Variants in PIP4K2A observed in about 807,000 individuals in gnomAD.
The protein encoded by PIP4K2A is phosphatidylinositol 5-phosphate 4-kinase type-2 alpha.
PIP4K2A carries 14 observed loss-of-function variants against 42.9 expected under a neutral mutation model. That is an observed-to-expected ratio of 0.33 (90% CI 0.22 to 0.51). The LOEUF is 0.51. PIP4K2A is among the 20% of genes least tolerant of loss of function. The pLI, the probability that PIP4K2A is intolerant of heterozygous loss-of-function variation, is 0.97. For synonymous variants in PIP4K2A, 192 were observed against 192.2 expected (o/e 1.00, Z 0.01); for missense variants, 434 against 519.8 (o/e 0.83, Z 1.61).
Position 22,646,958 on chromosome 10 carries a change from C to CA in PIP4K2A, c.145-37242dup, listed in dbSNP as rs569143064. 5.6e-4 allele frequency among the ~76,000 whole-genome samples: 80 copies of CA among 144,058 alleles called. 1 individual carries two copies. The East Asian group carries it at 8.4e-3, about 15-fold the overall frequency. The allele number at this position is 144,058 out of a possible 152,430, so 94.5% of individuals were successfully genotyped here. A position where few individuals can be genotyped will look rare whatever the true frequency, so the allele number is the denominator to read the frequency against. On this transcript the variant is annotated intron_variant, in intron 1 of 9. Coordinates refer to ENST00000376573, the MANE Select transcript of PIP4K2A (RefSeq NM_005028.5). ...AAAAACAAAACAAAACAAAACAAAACAAAAAAAAACAAACCAGGATGCAAG... is the reference window on the plus strand; with the variant it reads ...AAAAACAAAACAAAACAAAACAAAACAAAAAAAAAACAAACCAGGATGCAAG...
chr10:22,540,329 G>A (rs1044770631), intron 8 of PIP4K2A, among the ~76,000 whole-genome samples: 5 of 151,728 alleles, frequency 3.3e-5, no homozygotes, highest in African/African-American at 1.2e-4. Flanking sequence ...TCACACCAGG[G>A]TATCAACAGT....
chr10:22,562,394 A>T (rs1199140843), intron 6 of PIP4K2A, among the ~76,000 whole-genome samples: 1 of 152,098 alleles, frequency 6.6e-6, no homozygotes, highest in Non-Finnish European at 1.5e-5. Flanking sequence ...TAAAAATACA[A>T]AAAAATTAGC....
chr10:22,648,699 C>T (rs980822407), intron 1 of PIP4K2A, among the ~76,000 whole-genome samples: 1 of 152,168 alleles, frequency 6.6e-6, no homozygotes, highest in Non-Finnish European at 1.5e-5. Context: ...TGGTCTGAAA[C>T]AGGCACATTT....
chr10:22,561,525 G>A (rs1010118293), intron 6 of PIP4K2A, among the ~76,000 whole-genome samples: 1 of 146,248 alleles, frequency 6.8e-6, no homozygotes, highest in East Asian at 2.0e-4. Context: ...TAAGAATTGA[G>A]ATTACTAATT....
In PIP4K2A at chr10:22,573,465, G is replaced by A. The variant is rs768193534; in HGVS notation, c.493-8C>T. ...ATGACATTCCACTATGTACTGCATA[G>A]GAGAGAAAGAAAAAGGAAAAAAACA... On this transcript the variant is annotated splice_region_variant and splice_polypyrimidine_tract_variant and intron_variant, in intron 4 of 9. Transcript: ENST00000376573. 1 of 1,597,614 alleles carries A rather than the reference G, an allele frequency of 6.3e-7. No homozygotes were observed.
chr10:22,619,700 G>A (rs1838275323), intron 1 of PIP4K2A, among the ~76,000 whole-genome samples: 1 of 152,104 alleles, frequency 6.6e-6, no homozygotes, highest in Non-Finnish European at 1.5e-5. Context: ...GCCTCCCAAA[G>A]TGCTGGGATT....
At chr10:22,561,428 T>C (rs1041806851) in intron 6 of PIP4K2A, among the ~76,000 whole-genome samples, 1 of 152,108 alleles carries the variant, frequency 6.6e-6, no homozygotes, top group Admixed American at 6.5e-5. Context: ...ATATTTGAAA[T>C]GACAGTTTCA....
At chr10:22,670,724 T>C (rs117400171) in intron 1 of PIP4K2A, among the ~76,000 whole-genome samples, 1,562 of 152,326 alleles carry the variant, frequency 0.01, 17 homozygotes, top group Non-Finnish European at 0.016. Flanking sequence ...CCTAGAAATA[T>C]TTAAAAATAC....
chr10:22,570,193 G>T (rs1036065088), intron 5 of PIP4K2A, among the ~76,000 whole-genome samples: 3 of 152,102 alleles, frequency 2.0e-5, no homozygotes, highest in African/African-American at 7.2e-5. Flanking sequence ...CATGCCTCAC[G>T]CTGGACACAA....
At chr10:22,583,125 GACTC>G (rs1217473386) in intron 4 of PIP4K2A, among the ~76,000 whole-genome samples, 1 of 152,090 alleles carries the variant, frequency 6.6e-6, no homozygotes, top group Non-Finnish European at 1.5e-5. Flanking sequence ...CCATAGTAAG[GACTC>G]ATAAACAACA....
intron 6 of PIP4K2A, among the ~76,000 whole-genome samples, chr10:22,553,426 A>C (rs1836458826): frequency 6.6e-6 from 1 of 152,216 alleles, no homozygotes; most frequent in Non-Finnish European, 1.5e-5. Context: ...ATAGATGCAG[A>C]AAGGGGAAAA....
intron 3 of PIP4K2A, among the ~76,000 whole-genome samples, chr10:22,593,229 C>T (rs189462708): frequency 2.6e-5 from 4 of 152,318 alleles, no homozygotes; most frequent in East Asian, 1.9e-4. Flanking sequence ...GTGGATCACA[C>T]GTTCTGCAAT....
chr10:22,712,949 T>C (rs1833938605), intron 1 of PIP4K2A, among the ~76,000 whole-genome samples: 1 of 152,034 alleles, frequency 6.6e-6, no homozygotes, highest in Non-Finnish European at 1.5e-5. Context: ...TGTCTGTGTG[T>C]GTGTTTTCCG....
intron 1 of PIP4K2A, among the ~76,000 whole-genome samples, chr10:22,683,793 T>C (rs1816131181): frequency 6.6e-6 from 1 of 150,492 alleles, no homozygotes; most frequent in Admixed American, 6.6e-5. Context: ...GCCCCTCCCT[T>C]AGCCTTTCCC....
rs1431084604 is a variant in PIP4K2A, at chr10:22,573,363, G to C, written c.587C>G (p.Thr196Arg). ...CAAACGGTGGCTGAATACATTTCTT[G>C]TAACTATCACATATATTTCAACTCC... ...VDGVEIYVIV[T>R]RNVFSHRLSV... is the part of the protein sequence containing the mutation. The change falls in exon 5 of 10, where the codon ACA becomes AGA. Residue 196 changes from threonine to arginine, a missense_variant. By Grantham distance (71) the Thr-to-Arg change is moderately conservative. Around this residue, in one of 2 missense-constraint regions of PIP4K2A, gnomAD observed 395 missense variants for 444.5 expected, o/e 0.89. Coordinates refer to ENST00000376573, the MANE Select transcript of PIP4K2A (RefSeq NM_005028.5). 2 of 1,613,250 alleles carry C rather than the reference G, an allele frequency of 1.2e-6. No homozygotes were observed. The highest frequency in any genetic ancestry group is 2.7e-5 in the African/African-American group (2 of 74,854).
chr10:22,628,838 A>G (rs909209820), intron 1 of PIP4K2A, among the ~76,000 whole-genome samples: 4 of 152,188 alleles, frequency 2.6e-5, no homozygotes, highest in African/African-American at 9.6e-5. Flanking sequence ...CAGACTGTAA[A>G]TGCTTCTTAT....
chr10:22,544,661 A>C (rs1836216370), intron 7 of PIP4K2A, among the ~76,000 whole-genome samples: 1 of 152,218 alleles, frequency 6.6e-6, no homozygotes, highest in Non-Finnish European at 1.5e-5. Context: ...GTCCTCTGCA[A>C]AGGGCAGAAG....
At chr10:22,685,530 A>AT (rs1202690660) in intron 1 of PIP4K2A, among the ~76,000 whole-genome samples, 1 of 133,342 alleles carries the variant, frequency 7.5e-6, no homozygotes, top group Admixed American at 7.1e-5. Context: ...CCCATTTTCT[A>AT]TAAAAAACAA....
At position 22,586,383 on chromosome 10, in the gene PIP4K2A, C is replaced by T. The variant is rs758524852; in HGVS notation, c.492+5246G>A. Among the ~76,000 whole-genome samples, 260 of 152,106 alleles carry T rather than the reference C, an allele frequency of 1.7e-3. 9 individuals carry two copies. Among genetic ancestry groups the T allele is most frequent in the Non-Finnish European group, 5.4e-4 (37 of 68,006 alleles). On this transcript the variant is annotated intron_variant, in intron 4 of 9. Coordinates refer to ENST00000376573, the MANE Select transcript of PIP4K2A (RefSeq NM_005028.5). ...AAGTCTTCGTAATTCTGCATCAGTG[C>T]CACAGTCTACCAGAAACCAGGCCCC...
Sources: allele counts gnomAD v4.1 joint callset (sites outside exome capture counted in the v4.1 genomes callset), GRCh38; gene constraint gnomAD v4.1.1; regional missense constraint gnomAD v4.1.1; transcripts MANE v1.5; gene names NCBI Gene and HGNC (gene_info 2026-07-23, HGNC 2026-07-21).